ATP8A1: variants seen among roughly 807,000 people sequenced by gnomAD.
The protein encoded by ATP8A1 is phospholipid-transporting ATPase IA.
A neutral mutation model predicts 177.7 loss-of-function variants in ATP8A1; 90 were observed. The observed-to-expected ratio is 0.51, with a 90% CI of 0.43 to 0.60. The LOEUF (loss-of-function observed/expected upper bound fraction) is 0.60. ATP8A1 is among the 20% of genes least tolerant of loss of function. The probability of loss-of-function intolerance (pLI) is 0.00; values close to 1 mark genes in which losing one functional copy is unlikely to be tolerated. For synonymous variants in ATP8A1, 493 were observed against 485.9 expected, an observed-to-expected ratio of 1.01 and a Z score of -0.19; for missense variants, 1,072 against 1,392.8, an observed-to-expected ratio of 0.77 and a Z score of 3.67.
chr4:42,656,466 G>A (rs191775033), intron 1 of ATP8A1, among the ~76,000 whole-genome samples: 2 of 152,220 alleles, frequency 1.3e-5, no homozygotes, highest in African/African-American at 4.8e-5. Flanking sequence ...GCAAAACGGT[G>A]GGCGCCGGAG....
At chr4:42,474,903 A>AG (rs1249523671) in intron 25 of ATP8A1, among the ~76,000 whole-genome samples, 1 of 151,272 alleles carries the variant, frequency 6.6e-6, no homozygotes, top group African/African-American at 2.5e-5. Context: ...AGTTAGGGGG[A>AG]GAAAAAAAAA....
intron 6 of ATP8A1, among the ~76,000 whole-genome samples, chr4:42,592,876 T>A (rs1392819088): frequency 6.6e-6 from 1 of 152,162 alleles, no homozygotes; most frequent in African/African-American, 2.4e-5. Flanking sequence ...CACCGTTGTA[T>A]ATGTGTTTCG....
chr4:42,507,798 A>C (rs199957802), intron 22 of ATP8A1, among the ~76,000 whole-genome samples: 2,127 of 124,720 alleles, frequency 0.017, 91 homozygotes, highest in Middle Eastern at 0.041. Context: ...AAAAAAAAAA[A>C]AAAAAAAAAA....
chr4:42,625,565 C>T, intron 3 of ATP8A1, 49 bp downstream of exon 3: 1 of 1,324,976 alleles, frequency 7.5e-7, no homozygotes, highest in East Asian at 2.4e-5. Context: ...ACGGGCTTAA[C>T]ATTTATTAGT....
chr4:42,409,365 G>A lies in ATP8A1; in HGVS notation c.*3551C>T, dbSNP rs1362970575. On this transcript the variant is annotated 3_prime_UTR_variant, in exon 37 of 37. Coordinates refer to ENST00000381668, the MANE Select transcript of ATP8A1 (RefSeq NM_006095.2). ...TTAAAATGCAGCAAAGTATAACTACGTTACACAAGTGACTTCAGTTATTTT... is the reference window on the plus strand; with the variant it reads ...TTAAAATGCAGCAAAGTATAACTACATTACACAAGTGACTTCAGTTATTTT... 6.6e-6 allele frequency: 1 copy of A among 152,018 alleles called. No homozygotes were observed. The highest frequency in any genetic ancestry group is 6.6e-5 in the Admixed American group (1 of 15,260). The allele number at this position is 152,018 out of a possible 1,614,324, so 9.4% of individuals were successfully genotyped here.
intron 25 of ATP8A1, among the ~76,000 whole-genome samples, chr4:42,476,918 AC>A (rs1391636986): frequency 2.6e-5 from 4 of 152,224 alleles, no homozygotes; most frequent in Non-Finnish European, 5.9e-5. Context: ...TCTTCAGCGT[AC>A]TACTTTTCTT....
At chr4:42,455,269 A>T in intron 29 of ATP8A1, 28 bp downstream of exon 29, 1 of 1,611,922 alleles carries the variant, frequency 6.2e-7, no homozygotes, top group South Asian at 1.1e-5. Flanking sequence ...CCCACCAAAC[A>T]TGTCCCAGCC....
intron 5 of ATP8A1, among the ~76,000 whole-genome samples, chr4:42,606,917 C>A (rs1210565160): frequency 6.6e-6 from 1 of 152,206 alleles, no homozygotes; most frequent in Non-Finnish European, 1.5e-5. Context: ...TAAATTTCCA[C>A]TGACTATAAA....
At chr4:42,560,252 C>A (rs1730678563) in intron 15 of ATP8A1, among the ~76,000 whole-genome samples, 1 of 152,064 alleles carries the variant, frequency 6.6e-6, no homozygotes, top group Non-Finnish European at 1.5e-5. Context: ...GGTAAAGATA[C>A]ACTTGAAATT....
At chr4:42,616,795 T>C (rs1468984387) in intron 4 of ATP8A1, among the ~76,000 whole-genome samples, 1 of 152,208 alleles carries the variant, frequency 6.6e-6, no homozygotes, top group East Asian at 1.9e-4. Flanking sequence ...GCCAAGGTTT[T>C]ATAGCAGTGG....
rs761428354 is a variant in ATP8A1, at chr4:42,507,126, A to G, written c.1976T>C (p.Ile659Thr). The change falls in exon 23 of 37, where the codon ATT (isoleucine) becomes ACT (threonine). Residue 659 changes from isoleucine to threonine, a missense_variant. Ile to Thr is a moderately conservative substitution (Grantham distance 89, BLOSUM62 -1). Around this residue, in one of 5 missense-constraint regions of ATP8A1, gnomAD observed 388 missense variants for 471.7 expected, o/e 0.82. Transcript: ENST00000381668. Reference protein sequence around the residue: ...KNLQLLGATAIEDKLQDQVPE... With the variant: ...KNLQLLGATATEDKLQDQVPE... ...CACTTGATCTTGTAATTTATCCTCA[A>G]TGGCTGTTGCTCCAAGTAGCTGAAG... The G allele has an allele frequency of 1.5e-5, 25 of 1,613,794 alleles. No homozygotes were observed. Among genetic ancestry groups the G allele is most frequent in the Non-Finnish European group, 2.0e-5 (24 of 1,179,916 alleles).
chr4:42,571,272 C>G (rs1731877985), intron 14 of ATP8A1, among the ~76,000 whole-genome samples: 1 of 152,108 alleles, frequency 6.6e-6, no homozygotes, highest in Admixed American at 6.6e-5. Flanking sequence ...TAAAGTTATT[C>G]ACACAGTATA....
At chr4:42,486,087 T>G (rs1489590971) in intron 24 of ATP8A1, among the ~76,000 whole-genome samples, 2 of 152,178 alleles carry the variant, frequency 1.3e-5, no homozygotes, top group African/African-American at 2.4e-5. Context: ...GCCAGCAGTT[T>G]TGCCACGAGA....
intron 15 of ATP8A1, among the ~76,000 whole-genome samples, chr4:42,559,267 T>C (rs1730571524): frequency 6.6e-6 from 1 of 152,134 alleles, no homozygotes; most frequent in Non-Finnish European, 1.5e-5. Context: ...TTCCAACTTA[T>C]AAAGGCTAAT....
chr4:42,522,143 C>G lies in ATP8A1; in HGVS notation c.1947+17G>C. The G allele has an allele frequency of 6.3e-7, 1 of 1,593,574 alleles. No individual in the cohort carries two copies. Among genetic ancestry groups the G allele is most frequent in the Middle Eastern group, 1.7e-4 (1 of 6,014 alleles). ...GAAACCAAACCCTCTGTATGATCAA[C>G]AGAATCATCCACGTACCTTTTCAAT... On this transcript the variant is annotated intron_variant, in intron 22 of 36. Transcript: ENST00000381668.
intron 15 of ATP8A1, among the ~76,000 whole-genome samples, chr4:42,565,765 CA>C (rs1731280401): frequency 6.6e-6 from 1 of 152,042 alleles, no homozygotes; most frequent in Non-Finnish European, 1.5e-5. Context: ...TGCTTTTGTT[CA>C]TGCTTAAAAT....
chr4:42,623,009 C>CAAAAAA lies in ATP8A1; in HGVS notation c.363+1521_363+1526dup, dbSNP rs200111147. Among the ~76,000 whole-genome samples the CAAAAAA allele has an allele frequency of 5.2e-5, 6 of 116,140 alleles. 1 individual carries two copies. The highest frequency in any genetic ancestry group is 8.8e-5 in the Admixed American group (1 of 11,304). 76.2% of individuals were successfully genotyped at this position (116,140 alleles called of 152,430 possible). A position where few individuals can be genotyped will look rare whatever the true frequency, so the allele number is the denominator to read the frequency against. On this transcript the variant is annotated intron_variant, in intron 4 of 36. Transcript: ENST00000381668. Reference sequence around the variant, plus strand: ...GGGTGATAAGAGCGAAACTCTGTCTCAAAAAAAAAAAAAAAGGTGGGCAAA... The same window carrying CAAAAAA: ...GGGTGATAAGAGCGAAACTCTGTCTCAAAAAAAAAAAAAAAAAAAAAGGTGGGCAAA...
intron 25 of ATP8A1, among the ~76,000 whole-genome samples, chr4:42,479,996 T>TTGTGTGTGTGTGTGTGTGTG (rs376966152): frequency 1.5e-4 from 21 of 135,588 alleles, no homozygotes; most frequent in Admixed American, 2.3e-4. Context: ...GCAGTTCTGC[T>TTGTGTGTGTGTGTGTGTGTG]TGTGTGTGTG....
chr4:42,418,557 T>G (rs1713510843), intron 35 of ATP8A1, among the ~76,000 whole-genome samples: 2 of 152,140 alleles, frequency 1.3e-5, no homozygotes, highest in South Asian at 4.1e-4. Flanking sequence ...AGTGGACGGT[T>G]TTTCCTCAGT....
Sources: gnomAD v4.1 joint callset for allele counts (sites outside exome capture counted in the v4.1 genomes callset) on GRCh38, gnomAD v4.1.1 for gene constraint, gnomAD v4.1.1 regional missense constraint, MANE v1.5 for transcripts, NCBI Gene and HGNC (gene_info 2026-07-23, HGNC 2026-07-21) for gene names.